The following WDR11 variants were observed in gnomAD, a reference collection of about 807,000 sequenced individuals.
WDR11 encodes the protein WD repeat domain 11.
Under a neutral mutation model 151.2 loss-of-function variants are expected in WDR11, and 83 were observed. The observed-to-expected ratio is 0.55, with a 90% CI of 0.46 to 0.66. The LOEUF is 0.66. Ranked by LOEUF, WDR11 falls within the 30% of genes least tolerant of loss-of-function variation. WDR11 has a pLI of 0.00. For missense variants in WDR11, 1,301 were observed against 1,480.9 expected, an observed-to-expected ratio of 0.88 and a Z score of 1.99; for synonymous variants, 484 against 533.1, an observed-to-expected ratio of 0.91 and a Z score of 1.27.
intron 5 of WDR11, among the ~76,000 whole-genome samples, chr10:120,863,124 G>C (rs930087246): frequency 3.9e-5 from 6 of 152,098 alleles, no homozygotes; most frequent in African/African-American, 1.4e-4. Flanking sequence ...GTTTCCACTA[G>C]CTGTGCTAAA....
At chr10:120,891,520 A>G (rs1255511123) in intron 19 of WDR11, among the ~76,000 whole-genome samples, 1 of 152,112 alleles carries the variant, frequency 6.6e-6, no homozygotes, top group African/African-American at 2.4e-5. Flanking sequence ...TTTAAAAGGC[A>G]GCTTTTGGCT....
At chr10:120,886,988 C>G (rs1847241836) in intron 16 of WDR11, 152 bp downstream of exon 16, 1 of 819,014 alleles carries the variant, frequency 1.2e-6, no homozygotes, top group African/African-American at 1.7e-5. Context: ...TTGTTCCATA[C>G]TGCTAGAGAA....
intron 2 of WDR11, among the ~76,000 whole-genome samples, chr10:120,853,980 A>G (rs193174066): frequency 6.6e-6 from 1 of 152,310 alleles, no homozygotes; most frequent in Admixed American, 6.5e-5. Flanking sequence ...TTTAGGAGAT[A>G]GGTCAGGATT....
At chr10:120,903,028 G>A in intron 22 of WDR11, 27 bp from the exon 23 acceptor site, 1 of 1,612,846 alleles carries the variant, frequency 6.2e-7, no homozygotes, top group Non-Finnish European at 8.5e-7. Context: ...GCTGAGTGCA[G>A]TCAAAACTTT....
At chr10:120,889,433 G>A (rs1176960823) in intron 17 of WDR11, 1 of 438,944 alleles carries the variant, frequency 2.3e-6, no homozygotes, top group South Asian at 2.1e-5. Context: ...GTAGAGACGG[G>A]ATTTCACCAT....
chr10:120,870,778 A>T (rs1846508101), intron 9 of WDR11, among the ~76,000 whole-genome samples: 1 of 152,196 alleles, frequency 6.6e-6, no homozygotes, highest in African/African-American at 2.4e-5. Flanking sequence ...AACCCTTTCA[A>T]AAGGCAGTAA....
rs1424574578 is a variant in WDR11, at chr10:120,904,312, G to GA, written c.3027+176dup. On this transcript the variant is annotated intron_variant, in intron 24 of 28. Transcript: ENST00000263461. Reference sequence around the variant, plus strand: ...AAAATAATACCAATAAACCTCATGAGAAAAAACATATGGTTAACCAGCTTG... The same window carrying GA: ...AAAATAATACCAATAAACCTCATGAGAAAAAAACATATGGTTAACCAGCTTG... Among the ~76,000 whole-genome samples the GA allele has an allele frequency of 5.3e-5, 8 of 152,138 alleles. No homozygotes were observed. The South Asian group carries it at 8.3e-4, about 16-fold the overall frequency.
At chr10:120,906,540 G>A in intron 27 of WDR11, 3 of 1,381,800 alleles carry the variant, frequency 2.2e-6, no homozygotes, top group South Asian at 3.1e-5. Context: ...AGATTTTTGT[G>A]TATTTAAACT....
intron 2 of WDR11, 52 bp from the exon 3 acceptor site, chr10:120,858,591 T>C: frequency 1.9e-6 from 3 of 1,608,676 alleles, no homozygotes; most frequent in Non-Finnish European, 2.6e-6. Flanking sequence ...AAAATTATGT[T>C]CTGTTTCATC....
rs368366605 is a variant in WDR11, at chr10:120,877,652, G to A, written c.1557-701G>A. 1.1e-4 allele frequency among the ~76,000 whole-genome samples: 16 copies of A among 152,074 alleles called. No homozygotes were observed. In the East Asian group the frequency reaches 1.9e-3, roughly 18 times the overall value. ...AAACAAAACAAAACAAAACTTTCAC[G>A]ATGTATTATAAAAATGTCTGAATTT... On this transcript the variant is annotated intron_variant, in intron 11 of 28. Transcript: ENST00000263461.
intron 19 of WDR11, among the ~76,000 whole-genome samples, chr10:120,893,188 A>C (rs1459525903): frequency 4.3e-5 from 5 of 115,592 alleles, no homozygotes; most frequent in Admixed American, 4.1e-4. Flanking sequence ...CAACAGTCCC[A>C]GGTGTGTGAT....
At chr10:120,858,610 G>A (rs201282822) in intron 2 of WDR11, 33 bp from the exon 3 acceptor site, 2 of 1,613,862 alleles carry the variant, frequency 1.2e-6, no homozygotes, top group Non-Finnish European at 8.5e-7. Flanking sequence ...TCCAGCGCAA[G>A]TATTTACTTG....
chr10:120,902,813 T>G (rs1052514077), intron 22 of WDR11, among the ~76,000 whole-genome samples: 1 of 152,134 alleles, frequency 6.6e-6, no homozygotes, highest in Non-Finnish European at 1.5e-5. Context: ...TAATTGTTCT[T>G]AACACAGAAC....
At chr10:120,876,434 A>G (rs1846793603) in intron 11 of WDR11, among the ~76,000 whole-genome samples, 1 of 152,208 alleles carries the variant, frequency 6.6e-6, no homozygotes, top group African/African-American at 2.4e-5. Flanking sequence ...CTCCCCAGAT[A>G]CATTTACGTG....
rs752046727 is a variant in WDR11 at position 120,860,190 on chromosome 10, A to T, written c.434A>T (p.Asn145Ile). 3.1e-6 allele frequency: 5 copies of T among 1,614,190 alleles called. No individual in the cohort carries two copies. The highest frequency in any genetic ancestry group is 3.4e-6 in the Non-Finnish European group (4 of 1,180,036). ...CCGCCAAATTACATTGTGCTCTGGA[A>T]TGCCGACACTGGCACCAAACTATGG... ...IHPPNYIVLWNADTGTKLWKK... is the reference protein window; with the variant it reads ...IHPPNYIVLWIADTGTKLWKK... Residue 145 changes from asparagine (N) to isoleucine (I), a missense_variant, in exon 4 of 29, where the codon AAT (asparagine) becomes ATT (isoleucine). Asn to Ile is a moderately radical substitution (Grantham distance 149). This residue lies in a region of WDR11 where 692 missense variants were observed against 762.5 expected (regional missense o/e 0.91). Coordinates refer to ENST00000263461, the MANE Select transcript of WDR11 (RefSeq NM_018117.12).
Position 120,862,878 on chromosome 10 carries a change from G to C in WDR11, c.670G>C (p.Ala224Pro), listed in dbSNP as rs778534200. 6.2e-7 allele frequency: 1 copy of C among 1,613,970 alleles called. No individual in the cohort carries two copies. Among genetic ancestry groups the C allele is most frequent in the South Asian group, 1.1e-5 (1 of 91,076 alleles). The part of the protein sequence containing the change: ...KLATATGAKK[A>P]LNKVKILITQ... ...GGCCACAGCCACAGGTGCCAAGAAA[G>C]CTCTAAATAAAGTAAAAATTTTAAT... The change falls in exon 5 of 29, where the codon GCT becomes CCT. Residue 224 changes from alanine to proline, a missense_variant. By Grantham distance (27) the Ala-to-Pro change is conservative. This residue lies in a region of WDR11 where 692 missense variants were observed against 762.5 expected (regional missense o/e 0.91). Coordinates refer to ENST00000263461, the MANE Select transcript of WDR11 (RefSeq NM_018117.12).
In WDR11 at chr10:120,852,552, T is replaced by C. The variant is rs759639945; in HGVS notation, c.115T>C (p.Cys39Arg). ...CTGGCAAGGTTTAATTGCTTATGGA[T>C]GTCATTCACTTGTGGTAGTGATTGA... ...WGWQGLIAYG[C>R]HSLVVVIDSI... Residue 39 changes from cysteine (C) to arginine (R), a missense_variant, in exon 2 of 29, where the codon TGT becomes CGT. Coordinates refer to ENST00000263461, the MANE Select transcript of WDR11 (RefSeq NM_018117.12). 5.1e-5 allele frequency: 82 copies of C among 1,614,048 alleles called. No homozygotes were observed. The East Asian group carries it at 1.8e-3, about 36-fold the overall frequency.
chr10:120,889,818 G>A, intron 17 of WDR11, 77 bp from the exon 18 acceptor site: 2 of 976,788 alleles, frequency 2.0e-6, no homozygotes, highest in South Asian at 1.4e-5. Flanking sequence ...TGGAAATAGT[G>A]AGAGATGTTA....
intron 24 of WDR11, 123 bp downstream of exon 24, chr10:120,904,265 T>C (rs927328254): frequency 1.3e-6 from 1 of 773,236 alleles, no homozygotes; most frequent in African/African-American, 1.7e-5. Flanking sequence ...TCCTTCCCTG[T>C]AGACAGTTTA....
Sources: allele counts gnomAD v4.1 joint callset (sites outside exome capture counted in the v4.1 genomes callset), GRCh38; gene constraint gnomAD v4.1.1; regional missense constraint gnomAD v4.1.1; transcripts MANE v1.5; gene names NCBI Gene and HGNC (gene_info 2026-07-23, HGNC 2026-07-21).